The following PLD6 variants were observed in gnomAD, a reference collection of about 807,000 sequenced individuals.
The protein encoded by PLD6 is mitochondrial cardiolipin hydrolase.
Under a neutral mutation model 9.7 loss-of-function variants are expected in PLD6, and 10 were observed. The observed-to-expected ratio is 1.03, with a 90% CI of 0.64 to 1.75. The LOEUF (loss-of-function observed/expected upper bound fraction) is 1.75. PLD6 is among the 40% of genes most tolerant of loss of function. The probability of loss-of-function intolerance (pLI) is 0.00; values close to 1 mark genes in which losing one functional copy is unlikely to be tolerated. For synonymous variants in PLD6, 152 were observed against 159.2 expected (o/e 0.96, Z 0.34); for missense variants, 334 against 347.6 (o/e 0.96, Z 0.31).
Position 17,202,856 on chromosome 17 carries a change from C to T in PLD6, c.670G>A (p.Gly224Arg), listed in dbSNP as rs371273427. 1.4e-5 allele frequency: 23 copies of T among 1,614,030 alleles called. No individual in the cohort carries two copies. Among genetic ancestry groups the T allele is most frequent in the Middle Eastern group, 1.6e-4 (1 of 6,084 alleles). ...CTGGAGACAGGTGGGGCACAGCTTC[C>T]GTGACTTTTCTTTGGTGGGAAAAAG... ...YTFFPPKKSH[G>R]SCAPPVSRAG... Residue 224 changes from glycine (G) to arginine (R), a missense_variant, in exon 2 of 2, where the codon GGA (glycine) becomes AGA (arginine). Gly to Arg is a moderately radical substitution (Grantham distance 125). Coordinates refer to ENST00000321560, the MANE Select transcript of PLD6 (RefSeq NM_178836.4).
rs1272433761 is a variant in PLD6, at chr17:17,202,931, GA to G, written c.594del (p.Leu199TrpfsTer60). The part of the protein sequence containing the change: ...ITEDDEYVRL[F>X]LEEFERIWEQ... ...TCCCAGATGCGCTCAAATTCTTCCAGAAAAAGCCGCACGTACTCGTCGTCCT... is the reference window on the plus strand; with the variant it reads ...TCCCAGATGCGCTCAAATTCTTCCAGAAAAGCCGCACGTACTCGTCGTCCT... On this transcript the variant is annotated frameshift_variant, in exon 2 of 2. Transcript: ENST00000321560. LOFTEE classifies it low-confidence loss of function (END_TRUNC). 1 of 1,614,072 alleles carries G rather than the reference GA, an allele frequency of 6.2e-7. No individual in the cohort carries two copies. Among genetic ancestry groups the G allele is most frequent in the Non-Finnish European group, 8.5e-7 (1 of 1,180,052 alleles).
Position 17,206,281 on chromosome 17 carries a change from T to C in PLD6, c.6A>G (p.Gly2=). The change falls in exon 1 of 2, where the codon GGA becomes GGG. Residue 2 remains glycine (G), a synonymous_variant. Transcript: ENST00000321560. M[G]RLSWQVAAAA... ...CGGCCGCCACCTGCCAACTCAACCG[T>C]CCCATGCCGCCGCTAATCCGGGACC... The C allele has an allele frequency of 1.3e-6, 2 of 1,532,470 alleles. No individual in the cohort carries two copies. Among genetic ancestry groups the C allele is most frequent in the Non-Finnish European group, 1.7e-6 (2 of 1,151,108 alleles). The allele number at this position is 1,532,470 out of a possible 1,614,324, so 94.9% of individuals were successfully genotyped here.
At position 17,203,087 on chromosome 17, in the gene PLD6, G is replaced by A. The variant is rs1290907506; in HGVS notation, c.439C>T (p.Arg147Trp). Reference sequence around the variant, plus strand: ...ATGTAGCCTGGGTCTTGATCGTGCCGGACCTGGATCCCTGCAGAAAGGACA... The same window carrying A: ...ATGTAGCCTGGGTCTTGATCGTGCCAGACCTGGATCCCTGCAGAAAGGACA... ...GLLRKAGIQVRHDQDPGYMHH... is the reference protein window; with the variant it reads ...GLLRKAGIQVWHDQDPGYMHH... The change falls in exon 2 of 2, where the codon CGG becomes TGG. Residue 147 changes from arginine (R) to tryptophan (W), a missense_variant. By Grantham distance (101) the Arg-to-Trp change is moderately radical. Transcript: ENST00000321560. 12 of 1,613,224 alleles carry A rather than the reference G, an allele frequency of 7.4e-6. No individual in the cohort carries two copies. Among genetic ancestry groups the A allele is most frequent in the Admixed American group, 3.3e-5 (2 of 59,980 alleles).
intron 1 of PLD6, among the ~76,000 whole-genome samples, chr17:17,203,387 G>A (rs12453929): frequency 0.43 from 65,185 of 152,114 alleles, 17,061 homozygotes; most frequent in East Asian, 0.72. Context: ...ATGTCCCTTC[G>A]GGGTTACTGC....
chr17:17,203,581 G>A (rs1424444476), intron 1 of PLD6, among the ~76,000 whole-genome samples: 1 of 90,082 alleles, frequency 1.1e-5, no homozygotes, highest in South Asian at 3.8e-4. Flanking sequence ...GGCAGGAAGG[G>A]CCCTAACTAA....
At chr17:17,204,179 C>A (rs552019701) in intron 1 of PLD6, among the ~76,000 whole-genome samples, 6 of 152,244 alleles carry the variant, frequency 3.9e-5, no homozygotes, top group Admixed American at 1.3e-4. Flanking sequence ...CCCCTCCCCG[C>A]GGCCTGCCAC....
At chr17:17,205,368 C>A (rs1392723430) in intron 1 of PLD6, among the ~76,000 whole-genome samples, 2 of 152,182 alleles carry the variant, frequency 1.3e-5, no homozygotes, top group East Asian at 3.9e-4. Context: ...CAGCAGGTGG[C>A]CGCCTCTCCC....
chr17:17,205,848 C>A lies in PLD6; in HGVS notation c.427+12G>T. On this transcript the variant is annotated intron_variant, in intron 1 of 1. Coordinates refer to ENST00000321560, the MANE Select transcript of PLD6 (RefSeq NM_178836.4). ...AAGCCGGCCTTCTCCGCTTGGACCC[C>A]GCCGGGCCTACCTGCCTTGCGCAGC... 1 of 1,558,340 alleles carries A rather than the reference C, an allele frequency of 6.4e-7. No individual in the cohort carries two copies.
chr17:17,205,753 G>T, intron 1 of PLD6, 107 bp downstream of exon 1: 2 of 1,274,332 alleles, frequency 1.6e-6, no homozygotes, highest in Non-Finnish European at 2.1e-6. Context: ...GAAAGTAAAT[G>T]AGGCCTCAGC....
Position 17,206,258 on chromosome 17 carries a change from G to T in PLD6, c.29C>A (p.Ala10Asp). The change falls in exon 1 of 2, where the codon GCC becomes GAC. Residue 10 changes from alanine to aspartate, a missense_variant. Physicochemically the swap from Ala to Asp is moderately radical, Grantham distance 126. Coordinates refer to ENST00000321560, the MANE Select transcript of PLD6 (RefSeq NM_178836.4). Reference protein sequence around the residue: MGRLSWQVAAAAAVGLALTL... With the variant: MGRLSWQVADAAAVGLALTL... ...CAGAGCCAGGCCCACAGCCGCCGCG[G>T]CCGCCACCTGCCAACTCAACCGTCC... The T allele has an allele frequency of 6.5e-7, 1 of 1,542,646 alleles. No individual in the cohort carries two copies.
chr17:17,204,613 G>A (rs76950103), intron 1 of PLD6, among the ~76,000 whole-genome samples: 1 of 152,146 alleles, frequency 6.6e-6, no homozygotes, highest in Non-Finnish European at 1.5e-5. Context: ...GAGGGGATCC[G>A]ATGGGACCTT....
In PLD6 at chr17:17,203,073, G is replaced by A; in HGVS notation, c.453C>T (p.Asp151=). The change falls in exon 2 of 2, where the codon GAC becomes GAT. Residue 151 remains aspartate (D), a synonymous_variant. Coordinates refer to ENST00000321560, the MANE Select transcript of PLD6 (RefSeq NM_178836.4). ...CAAACTTGTGATGCATGTAGCCTGGGTCTTGATCGTGCCGGACCTGGATCC... is the reference window on the plus strand; with the variant it reads ...CAAACTTGTGATGCATGTAGCCTGGATCTTGATCGTGCCGGACCTGGATCC... The part of the protein sequence containing the change: ...KAGIQVRHDQ[D]PGYMHHKFAI... 1.2e-6 allele frequency: 2 copies of A among 1,613,956 alleles called. No homozygotes were observed. The highest frequency in any genetic ancestry group is 1.1e-5 in the South Asian group (1 of 91,090).
chr17:17,205,639 G>A (rs1373027740), intron 1 of PLD6, among the ~76,000 whole-genome samples: 1 of 152,372 alleles, frequency 6.6e-6, no homozygotes, highest in African/African-American at 2.4e-5. Context: ...CCACCGCGGA[G>A]GCACCGAGGG....
Position 17,202,666 on chromosome 17 carries a change from T to C in PLD6, c.*101A>G, listed in dbSNP as rs761897599. 1.5e-5 allele frequency: 17 copies of C among 1,145,236 alleles called. No homozygotes were observed. Among genetic ancestry groups the C allele is most frequent in the South Asian group, 3.1e-5 (2 of 64,932 alleles). 70.9% of individuals were successfully genotyped at this position (1,145,236 alleles called of 1,614,324 possible). ...CCTTCTTTAGTTCAATTTAGTATTC[T>C]AATAGACGAGACTTTAGTTTAACGA... is the stretch of plus-strand genomic sequence containing the variant. On this transcript the variant is annotated 3_prime_UTR_variant, in exon 2 of 2. Coordinates refer to ENST00000321560, the MANE Select transcript of PLD6 (RefSeq NM_178836.4).
Position 17,206,263 on chromosome 17 carries a change from C to T in PLD6, c.24G>A (p.Val8=), listed in dbSNP as rs112511810. MGRLSWQ[V]AAAAAVGLAL... The stretch of plus-strand genomic sequence containing the variant: ...CCAGGCCCACAGCCGCCGCGGCCGC[C>T]ACCTGCCAACTCAACCGTCCCATGC... Residue 8 remains valine, a synonymous_variant, in exon 1 of 2, where the codon GTG becomes GTA. Transcript: ENST00000321560. The T allele has an allele frequency of 7.7e-5, 119 of 1,544,430 alleles. 1 individual carries two copies. The African/African-American group carries it at 1.1e-3, about 14-fold the overall frequency.
At position 17,202,331 on chromosome 17, in the gene PLD6, AG is replaced by A. The variant is rs1254684099; in HGVS notation, c.*435del. 4 of 179,054 alleles carry A rather than the reference AG, an allele frequency of 2.2e-5. No homozygotes were observed. Among genetic ancestry groups the A allele is most frequent in the Non-Finnish European group, 3.6e-5 (3 of 82,820 alleles). The allele number at this position is 179,054 out of a possible 1,614,324, so 11.1% of individuals were successfully genotyped here. A position where few individuals can be genotyped will look rare whatever the true frequency, so the allele number is the denominator to read the frequency against. Reference sequence around the variant, plus strand: ...AGACTGTGAGGGACAAGGAGACTGTAGGCCCCAACCAACCCCAGTCGTGCCA... The same window carrying A: ...AGACTGTGAGGGACAAGGAGACTGTAGCCCCAACCAACCCCAGTCGTGCCA... On this transcript the variant is annotated 3_prime_UTR_variant, in exon 2 of 2. Transcript: ENST00000321560.
rs1332064282 is a variant in PLD6 at position 17,201,373 on chromosome 17, T to C, written c.*1394A>G. The C allele has an allele frequency of 1.3e-5, 2 of 152,184 alleles. No individual in the cohort carries two copies. Among genetic ancestry groups the C allele is most frequent in the Non-Finnish European group, 2.9e-5 (2 of 68,042 alleles). 9.4% of individuals were successfully genotyped at this position (152,184 alleles called of 1,614,324 possible). Reference sequence around the variant, plus strand: ...CTCATCATACAGAAATATGACAAGATGATGAAGTCACAACTTCAGATGTCA... The same window carrying C: ...CTCATCATACAGAAATATGACAAGACGATGAAGTCACAACTTCAGATGTCA... On this transcript the variant is annotated 3_prime_UTR_variant, in exon 2 of 2. Coordinates refer to ENST00000321560, the MANE Select transcript of PLD6 (RefSeq NM_178836.4).
Position 17,205,875 on chromosome 17 carries a change from G to A in PLD6, c.412C>T (p.Leu138=), listed in dbSNP as rs1379624711. Residue 138 remains leucine, a synonymous_variant, in exon 1 of 2, where the codon CTG becomes TTG. Coordinates refer to ENST00000321560, the MANE Select transcript of PLD6 (RefSeq NM_178836.4). ...YMALNGSQIG[L]LRKAGIQVRH... ...CCGGGCCTACCTGCCTTGCGCAGCAGACCGATTTGCGAGCCGTTGAGGGCC... is the reference window on the plus strand; with the variant it reads ...CCGGGCCTACCTGCCTTGCGCAGCAAACCGATTTGCGAGCCGTTGAGGGCC... 1 of 1,572,064 alleles carries A rather than the reference G, an allele frequency of 6.4e-7. No homozygotes were observed. Among genetic ancestry groups the A allele is most frequent in the South Asian group, 1.2e-5 (1 of 85,874 alleles).
chr17:17,206,049 G>A lies in PLD6; in HGVS notation c.238C>T (p.Leu80=), dbSNP rs1186865717. 2.6e-6 allele frequency: 4 copies of A among 1,529,576 alleles called. No individual in the cohort carries two copies. The East Asian group carries it at 1.0e-4, about 38-fold the overall frequency. The allele number at this position is 1,529,576 out of a possible 1,614,324, so 94.8% of individuals were successfully genotyped here. ...PCGLPHGESA[L]SRLLRALLAA... ...AGCAGGGCACGCAGCAGGCGGCTTA[G>A]CGCGCTCTCGCCGTGGGGCAGGCCG... Residue 80 remains leucine, a synonymous_variant, in exon 1 of 2, where the codon CTA becomes TTA. Transcript: ENST00000321560.
Sources: gnomAD v4.1 joint callset for allele counts (sites outside exome capture counted in the v4.1 genomes callset) on GRCh38, gnomAD v4.1.1 for gene constraint, MANE v1.5 for transcripts, NCBI Gene and HGNC (gene_info 2026-07-23, HGNC 2026-07-21) for gene names.